Variants in ZSWIM2 observed in about 807,000 individuals in gnomAD.
The protein encoded by ZSWIM2 is zinc finger SWIM-type containing 2, also known as E3 ubiquitin-protein ligase ZSWIM2.
Under a neutral mutation model 48.4 loss-of-function variants are expected in ZSWIM2, and 38 were observed. The observed-to-expected ratio is 0.79, with a 90% CI of 0.61 to 1.03. The LOEUF (loss-of-function observed/expected upper bound fraction) is 1.03. Among genes scored for constraint, ZSWIM2 ranks in the 50% least tolerant of loss-of-function variants. The pLI, the probability that ZSWIM2 is intolerant of heterozygous loss-of-function variation, is 0.00. For synonymous variants in ZSWIM2, 240 were observed against 251.3 expected (o/e 0.96, Z 0.42); for missense variants, 776 against 730.2 (o/e 1.06, Z -0.72).
chr2:186,839,440 C>T (rs1691864013), intron 3 of ZSWIM2, among the ~76,000 whole-genome samples: 1 of 151,528 alleles, frequency 6.6e-6, no homozygotes, highest in Non-Finnish European at 1.5e-5. Flanking sequence ...TAGTGTTCAT[C>T]CTTGGATTGG....
At chr2:186,843,207 A>T (rs1477948498) in intron 3 of ZSWIM2, among the ~76,000 whole-genome samples, 1 of 151,642 alleles carries the variant, frequency 6.6e-6, no homozygotes, top group African/African-American at 2.4e-5. Flanking sequence ...GATATGGAAG[A>T]ATAGTGTAGA....
intron 5 of ZSWIM2, among the ~76,000 whole-genome samples, chr2:186,836,428 T>C (rs1014286070): frequency 2.0e-5 from 3 of 152,270 alleles, no homozygotes; most frequent in East Asian, 1.9e-4. Context: ...TTGTTAATAA[T>C]CAACTTTCTT....
rs1250585631 is a variant in ZSWIM2, at chr2:186,849,054, G to GC, written c.76dup (p.Ala26GlyfsTer4). 1.2e-6 allele frequency: 2 copies of GC among 1,614,044 alleles called. No homozygotes were observed. The highest frequency in any genetic ancestry group is 2.7e-5 in the African/African-American group (2 of 74,928). ...TAGGAGGTAGATGCTGCTACTCAGCGCCTGGTCTTGGTGCCAGCTGAGCCT... is the reference window on the plus strand; with the variant it reads ...TAGGAGGTAGATGCTGCTACTCAGCGCCCTGGTCTTGGTGCCAGCTGAGCCT... On this transcript the variant is annotated frameshift_variant, in exon 1 of 9. Transcript: ENST00000295131. LOFTEE classifies it high-confidence loss of function.
intron 2 of ZSWIM2, among the ~76,000 whole-genome samples, chr2:186,847,456 T>G (rs1692026182): frequency 6.6e-6 from 1 of 152,130 alleles, no homozygotes; most frequent in South Asian, 2.1e-4. Flanking sequence ...AGATTTCACA[T>G]TTGTACATGA....
rs545700172 is a variant in ZSWIM2 at position 186,840,327 on chromosome 2, G to C, written c.284-1158C>G. ...AGAATAAAATTTCATAAAAGAAGCT[G>C]GCCACAAACTGTTCTGTGTGGTAAA... is the stretch of plus-strand genomic sequence containing the variant. On this transcript the variant is annotated intron_variant, in intron 3 of 8. Coordinates refer to ENST00000295131, the MANE Select transcript of ZSWIM2 (RefSeq NM_182521.3). 2.6e-5 allele frequency among the ~76,000 whole-genome samples: 4 copies of C among 151,616 alleles called. No individual in the cohort carries two copies. In the East Asian group the frequency reaches 7.7e-4, roughly 29 times the overall value.
intron 7 of ZSWIM2, among the ~76,000 whole-genome samples, chr2:186,832,726 C>T (rs1691724900): frequency 6.6e-6 from 1 of 151,684 alleles, no homozygotes; most frequent in Admixed American, 6.6e-5. Context: ...TACTGTATCC[C>T]TCATATCTAG....
chr2:186,844,631 A>G lies in ZSWIM2; in HGVS notation c.283+86T>C, dbSNP rs1305917329. Reference sequence around the variant, plus strand: ...AAAAGTAACCATCTAAATTTAGAAAATGTTAAATAAAACATTCTTATATTT... The same window carrying G: ...AAAAGTAACCATCTAAATTTAGAAAGTGTTAAATAAAACATTCTTATATTT... On this transcript the variant is annotated intron_variant, in intron 3 of 8. Coordinates refer to ENST00000295131, the MANE Select transcript of ZSWIM2 (RefSeq NM_182521.3). 3 of 1,341,824 alleles carry G rather than the reference A, an allele frequency of 2.2e-6. No homozygotes were observed. In the African/African-American group the frequency reaches 4.7e-5, roughly 21 times the overall value. 83.1% of individuals were successfully genotyped at this position (1,341,824 alleles called of 1,614,324 possible).
At chr2:186,835,538 C>T (rs1691778030) in intron 5 of ZSWIM2, among the ~76,000 whole-genome samples, 2 of 152,046 alleles carry the variant, frequency 1.3e-5, no homozygotes, top group Admixed American at 6.6e-5. Flanking sequence ...ACAAATGGTG[C>T]CATTTATTCA....
intron 4 of ZSWIM2, 136 bp downstream of exon 4, chr2:186,838,823 G>T (rs542156548): frequency 1.8e-4 from 68 of 387,812 alleles, no homozygotes; most frequent in African/African-American, 1.4e-3. Flanking sequence ...GGAAATAAAA[G>T]AATGTTAATT....
chr2:186,827,948 A>T lies in ZSWIM2; in HGVS notation c.*36T>A. The stretch of plus-strand genomic sequence containing the variant: ...TGTTCTATATAAAACATTTTTTTAT[A>T]TTCAACATTCAAATATTTTCAGATA... On this transcript the variant is annotated 3_prime_UTR_variant, in exon 9 of 9. Transcript: ENST00000295131. 6.9e-7 allele frequency: 1 copy of T among 1,451,984 alleles called. No homozygotes were observed. Among genetic ancestry groups the T allele is most frequent in the Non-Finnish European group, 9.2e-7 (1 of 1,086,864 alleles). 89.9% of individuals were successfully genotyped at this position (1,451,984 alleles called of 1,614,324 possible). A position where few individuals can be genotyped will look rare whatever the true frequency, so the allele number is the denominator to read the frequency against.
rs201107220 is a variant in ZSWIM2 at position 186,828,264 on chromosome 2, A to T, written c.1622T>A (p.Leu541Gln). The stretch of plus-strand genomic sequence containing the variant: ...TTTACAGCCTTTGGTCATCCGGCTT[A>T]GACTAGTGTGAAATTTTCCACTGAT... ...PCISGKFHTS[L>Q]SRMTKGCKCN... The change falls in exon 9 of 9, where the codon CTA (leucine) becomes CAA (glutamine). Residue 541 changes from leucine to glutamine, a missense_variant. Physicochemically the swap from Leu to Gln is moderately radical, Grantham distance 113. Coordinates refer to ENST00000295131, the MANE Select transcript of ZSWIM2 (RefSeq NM_182521.3). 2.7e-5 allele frequency: 44 copies of T among 1,613,596 alleles called. No individual in the cohort carries two copies. Among genetic ancestry groups the T allele is most frequent in the Non-Finnish European group, 3.7e-5 (44 of 1,179,828 alleles).
chr2:186,836,847 A>G (rs1691802601), intron 5 of ZSWIM2, among the ~76,000 whole-genome samples: 1 of 152,108 alleles, frequency 6.6e-6, no homozygotes, highest in Non-Finnish European at 1.5e-5. Context: ...ACTCATTGCC[A>G]TTTGGAGTAG....
chr2:186,844,652 T>C, intron 3 of ZSWIM2, 65 bp downstream of exon 3: 6 of 1,426,480 alleles, frequency 4.2e-6, no homozygotes, highest in African/African-American at 1.5e-5. Flanking sequence ...AACATTCTTA[T>C]ATTTGTTAAC....
intron 7 of ZSWIM2, 56 bp downstream of exon 7, chr2:186,833,064 G>A (rs920717269): frequency 1.4e-6 from 1 of 725,532 alleles, no homozygotes; most frequent in African/African-American, 1.9e-5. Flanking sequence ...TTCAAATTGA[G>A]AAGTTATTCA....
intron 4 of ZSWIM2, among the ~76,000 whole-genome samples, chr2:186,838,687 CAT>C (rs201322180): frequency 0.067 from 9,790 of 145,820 alleles, 349 homozygotes; most frequent in South Asian, 0.087. Context: ...TGCTTCCTAA[CAT>C]ATATGTTATA....
chr2:186,844,517 C>T (rs1275457717), intron 3 of ZSWIM2, among the ~76,000 whole-genome samples, 200 bp downstream of exon 3: 1 of 151,310 alleles, frequency 6.6e-6, no homozygotes, highest in Admixed American at 6.6e-5. Context: ...TTGAAAATGA[C>T]ATATAAAGTT....
At position 186,839,169 on chromosome 2, in the gene ZSWIM2, G is replaced by T. The variant is rs751755204; in HGVS notation, c.284C>A (p.Ser95Tyr). Residue 95 changes from serine (S) to tyrosine (Y), a missense_variant and splice_region_variant, in exon 4 of 9, where the codon TCT (serine) becomes TAT (tyrosine). Transcript: ENST00000295131. The stretch of plus-strand genomic sequence containing the variant: ...TTCTCCAAGACCCAGTTGTAAAGCA[G>T]CTAGTGAGAAATCCCAAAGTATTAA... Reference protein sequence around the residue: ...KKFKLPRNHESALQLGLGERE... With the variant: ...KKFKLPRNHEYALQLGLGERE... 104 of 1,610,236 alleles carry T rather than the reference G, an allele frequency of 6.5e-5. No homozygotes were observed. Among genetic ancestry groups the T allele is most frequent in the Non-Finnish European group, 8.2e-5 (97 of 1,177,554 alleles).
At position 186,827,982 on chromosome 2, in the gene ZSWIM2, T is replaced by C. The variant is rs770933706; in HGVS notation, c.*2A>G. 4.5e-6 allele frequency: 7 copies of C among 1,547,078 alleles called. No individual in the cohort carries two copies. In the African/African-American group the frequency reaches 6.9e-5, roughly 15 times the overall value. On this transcript the variant is annotated 3_prime_UTR_variant, in exon 9 of 9. Coordinates refer to ENST00000295131, the MANE Select transcript of ZSWIM2 (RefSeq NM_182521.3). ...TCAAATATTTTCAGATAGTAAACTT[T>C]TTCACAATTGAACTCCTTCTATTAT...
chr2:186,832,239 C>T (rs1487455087), intron 7 of ZSWIM2, among the ~76,000 whole-genome samples: 6 of 151,698 alleles, frequency 4.0e-5, no homozygotes, highest in East Asian at 1.9e-4. Flanking sequence ...CTCAGCCTCC[C>T]GAGTAGCTGG....
Sources: gnomAD v4.1 joint callset for allele counts (sites outside exome capture counted in the v4.1 genomes callset) on GRCh38, gnomAD v4.1.1 for gene constraint, MANE v1.5 for transcripts, NCBI Gene and HGNC (gene_info 2026-07-23, HGNC 2026-07-21) for gene names.